Variants in SH3GL3 observed in about 807,000 individuals in gnomAD.
SH3GL3 encodes the protein SH3 domain containing GRB2 like 3, endophilin A3, also known as endophilin-A3.
SH3GL3 carries 33 observed loss-of-function variants against 47.7 expected under a neutral mutation model. That is an observed-to-expected ratio of 0.69 (90% confidence interval 0.52 to 0.92). The LOEUF (loss-of-function observed/expected upper bound fraction) is 0.92, where lower values mean the gene tolerates loss of function less well. Among genes scored for constraint, SH3GL3 ranks in the 40% least tolerant of loss-of-function variants. The probability of loss-of-function intolerance (pLI) is 0.00; values close to 1 mark genes in which losing one functional copy is unlikely to be tolerated. For missense variants in SH3GL3, 363 were observed against 417.8 expected (o/e 0.87, Z 1.14); for synonymous variants, 155 against 148.8 (o/e 1.04, Z -0.30).
At chr15:83,463,767 C>CTTTTTTTT (rs910419812) in intron 1 of SH3GL3, among the ~76,000 whole-genome samples, 23 of 122,918 alleles carry the variant, frequency 1.9e-4, no homozygotes, top group East Asian at 2.4e-4. Context: ...TTCTTTCTTT[C>CTTTTTTTT]TTTTTTTTTT....
intron 6 of SH3GL3, among the ~76,000 whole-genome samples, chr15:83,578,018 ATAGTGGT>A (rs2059731248): frequency 6.6e-6 from 1 of 152,230 alleles, no homozygotes; most frequent in East Asian, 1.9e-4. Context: ...CAGCTGTTCC[ATAGTGGT>A]GCTTGTGGGC....
chr15:83,559,164 G>GT, intron 1 of SH3GL3, 89 bp from the exon 2 acceptor site: 2 of 782,926 alleles, frequency 2.6e-6, no homozygotes, highest in East Asian at 2.7e-5. Flanking sequence ...TTGAATCCAA[G>GT]TTTTTTTGTT....
chr15:83,528,240 A>G (rs1416007083), intron 1 of SH3GL3, among the ~76,000 whole-genome samples: 3 of 152,128 alleles, frequency 2.0e-5, no homozygotes, highest in Non-Finnish European at 4.4e-5. Context: ...ATCTCTGTCT[A>G]TCTTTGGCTT....
chr15:83,515,381 G>A (rs902968952), intron 1 of SH3GL3, among the ~76,000 whole-genome samples: 20 of 152,130 alleles, frequency 1.3e-4, no homozygotes, highest in East Asian at 1.9e-4. Flanking sequence ...AAATGGAATC[G>A]GAATGAATTG....
intron 5 of SH3GL3, among the ~76,000 whole-genome samples, chr15:83,575,684 G>T (rs946017013): frequency 1.2e-4 from 18 of 152,218 alleles, no homozygotes; most frequent in Non-Finnish European, 1.8e-4. Context: ...TCTGGGTCTT[G>T]TGTGCTCTTT....
chr15:83,450,150 CAG>C (rs2039667028), intron 1 of SH3GL3, among the ~76,000 whole-genome samples: 1 of 152,136 alleles, frequency 6.6e-6, no homozygotes, highest in Non-Finnish European at 1.5e-5. Flanking sequence ...TATGATGACT[CAG>C]GGAATTTAGA....
chr15:83,592,530 G>A (rs1472803353), intron 8 of SH3GL3, among the ~76,000 whole-genome samples: 1 of 152,150 alleles, frequency 6.6e-6, no homozygotes, highest in Non-Finnish European at 1.5e-5. Context: ...CTATAATCTT[G>A]ATTTAAAGTT....
chr15:83,468,891 A>T (rs895068846), intron 1 of SH3GL3, among the ~76,000 whole-genome samples: 1 of 150,310 alleles, frequency 6.7e-6, no homozygotes, highest in African/African-American at 2.5e-5. Context: ...TCTGAAGGAG[A>T]TTGTGTAGAA....
intron 1 of SH3GL3, among the ~76,000 whole-genome samples, chr15:83,469,435 C>T (rs1438378223): frequency 6.6e-6 from 1 of 152,132 alleles, no homozygotes; most frequent in African/African-American, 2.4e-5. Flanking sequence ...GAGACCTTTT[C>T]TGTCTTCTAA....
chr15:83,509,104 A>G (rs1286231913), intron 1 of SH3GL3, among the ~76,000 whole-genome samples: 1 of 152,238 alleles, frequency 6.6e-6, no homozygotes, highest in East Asian at 1.9e-4. Flanking sequence ...TAAAAAATAC[A>G]TATTTTTCTT....
chr15:83,495,298 T>C (rs1006603002), intron 1 of SH3GL3, among the ~76,000 whole-genome samples: 3 of 152,172 alleles, frequency 2.0e-5, no homozygotes, highest in Non-Finnish European at 2.9e-5. Context: ...TTTCATACCC[T>C]CTGAGGGCCA....
At chr15:83,548,413 G>GTA (rs1453941837) in intron 1 of SH3GL3, among the ~76,000 whole-genome samples, 7 of 149,706 alleles carry the variant, frequency 4.7e-5, no homozygotes, top group East Asian at 1.9e-4. Flanking sequence ...ACATAAATGT[G>GTA]TATATATATA....
At chr15:83,478,832 G>T (rs1266421741) in intron 1 of SH3GL3, among the ~76,000 whole-genome samples, 1 of 152,210 alleles carries the variant, frequency 6.6e-6, no homozygotes, top group East Asian at 1.9e-4. Flanking sequence ...CTCAGCACAG[G>T]GCTTGGCCCA....
chr15:83,618,317 C>A lies in SH3GL3; in HGVS notation c.*30C>A. 7.1e-7 allele frequency: 1 copy of A among 1,399,822 alleles called. No homozygotes were observed. The highest frequency in any genetic ancestry group is 1.2e-5 in the South Asian group (1 of 86,708). 86.7% of individuals were successfully genotyped at this position (1,399,822 alleles called of 1,614,324 possible). ...GTAACACAAACTCTGGACATACTTT[C>A]GTAACTGAAATGAATTCACACCAGT... On this transcript the variant is annotated 3_prime_UTR_variant, in exon 9 of 9. Transcript: ENST00000427482.
chr15:83,603,069 G>A (rs867895647), intron 8 of SH3GL3, among the ~76,000 whole-genome samples: 44 of 151,340 alleles, frequency 2.9e-4, no homozygotes, highest in Middle Eastern at 3.4e-3. Flanking sequence ...GTGGGATCTC[G>A]GCCCACTGCA....
intron 8 of SH3GL3, among the ~76,000 whole-genome samples, chr15:83,598,814 A>G (rs1311190639): frequency 6.6e-6 from 1 of 152,244 alleles, no homozygotes; most frequent in African/African-American, 2.4e-5. Flanking sequence ...TTTACAGACT[A>G]CAGAATGTAT....
chr15:83,612,315 G>A (rs2060690534), intron 8 of SH3GL3, among the ~76,000 whole-genome samples: 1 of 152,354 alleles, frequency 6.6e-6, no homozygotes, highest in East Asian at 1.9e-4. Flanking sequence ...CCACAGCTGA[G>A]GTGACTCGTC....
the SH3GL3 span, among the ~76,000 whole-genome samples, chr15:83,630,690 T>C: frequency 2.6e-5 from 4 of 152,134 alleles, no homozygotes; most frequent in Non-Finnish European, 5.9e-5. Context: ...GAGAACAGCA[T>C]GAGGGTAACT....
intron 1 of SH3GL3, among the ~76,000 whole-genome samples, chr15:83,499,342 A>T (rs934935352): frequency 2.0e-5 from 3 of 150,764 alleles, no homozygotes; most frequent in Non-Finnish European, 4.4e-5. Flanking sequence ...TGTAAATCTG[A>T]TATTTATGTT....
Sources: allele counts gnomAD v4.1 joint callset (sites outside exome capture counted in the v4.1 genomes callset), GRCh38; gene constraint gnomAD v4.1.1; transcripts MANE v1.5; gene names NCBI Gene and HGNC (gene_info 2026-07-23, HGNC 2026-07-21).